Variants in KIF16B observed in about 807,000 individuals in gnomAD.
KIF16B encodes kinesin-like protein KIF16B.
In KIF16B, 98 loss-of-function variants were observed where a neutral mutation model predicts 156.3. The ratio of observed to expected loss-of-function variants is 0.63; its 90% CI spans 0.53 to 0.74. KIF16B has a LOEUF of 0.74. Ranked by LOEUF, KIF16B falls within the 30% of genes least tolerant of loss-of-function variation. KIF16B has a pLI of 0.00. For missense variants in KIF16B, 1,421 were observed against 1,606.5 expected (o/e 0.88, Z 1.97); for synonymous variants, 564 against 583.7 (o/e 0.97, Z 0.49).
At chr20:16,348,121 C>T (rs1038955899) in intron 23 of KIF16B, among the ~76,000 whole-genome samples, 4 of 152,186 alleles carry the variant, frequency 2.6e-5, no homozygotes, top group Admixed American at 2.6e-4. Flanking sequence ...GTACCCATGA[C>T]TTGGTCAGCA....
Position 16,404,882 on chromosome 20 carries a change from AAGG to A in KIF16B, c.1712_1714del (p.Ser571del). 1.2e-6 allele frequency: 2 copies of A among 1,613,398 alleles called. No individual in the cohort carries two copies. Among genetic ancestry groups the A allele is most frequent in the Non-Finnish European group, 1.7e-6 (2 of 1,179,594 alleles). ...CGAGAGGTCGGTCATGGACAAGCTG[AAGG>A]AGGACAGAAGGCCACTCTAAGGGCA... On this transcript the variant is annotated inframe_deletion, in exon 17 of 26. Coordinates refer to ENST00000354981, the MANE Select transcript of KIF16B (RefSeq NM_024704.5).
At chr20:16,335,363 G>A (rs758445562) in intron 24 of KIF16B, among the ~76,000 whole-genome samples, 12 of 152,142 alleles carry the variant, frequency 7.9e-5, no homozygotes, top group Non-Finnish European at 1.5e-4. Flanking sequence ...AGGAAAAGAC[G>A]ACTAATGTAT....
intron 25 of KIF16B, among the ~76,000 whole-genome samples, chr20:16,301,110 C>T (rs1450222623): frequency 6.6e-6 from 1 of 152,280 alleles, no homozygotes; most frequent in East Asian, 1.9e-4. Context: ...AAATTGTCTT[C>T]TTCTACTTAG....
At chr20:16,345,387 C>T (rs975480653) in intron 23 of KIF16B, among the ~76,000 whole-genome samples, 2 of 152,198 alleles carry the variant, frequency 1.3e-5, no homozygotes, top group Non-Finnish European at 2.9e-5. Context: ...AGCCTCTTTT[C>T]AATATACACT....
chr20:16,530,029 C>T (rs779398369), intron 1 of KIF16B, among the ~76,000 whole-genome samples: 1 of 152,150 alleles, frequency 6.6e-6, no homozygotes, highest in Non-Finnish European at 1.5e-5. Context: ...ATTTAAAAAA[C>T]AAACAACTCC....
intron 25 of KIF16B, 133 bp downstream of exon 25, chr20:16,312,202 C>A: frequency 1.6e-6 from 1 of 609,932 alleles, no homozygotes; most frequent in South Asian, 2.1e-5. Context: ...TCTACTGCTG[C>A]CATCTCCTGT....
intron 12 of KIF16B, among the ~76,000 whole-genome samples, chr20:16,486,035 A>G (rs1002053221): frequency 2.6e-5 from 4 of 152,318 alleles, no homozygotes; most frequent in African/African-American, 9.6e-5. Context: ...CTGGGAGCAG[A>G]ACTCTGATAT....
intron 1 of KIF16B, among the ~76,000 whole-genome samples, chr20:16,571,718 C>G (rs2122234295): frequency 6.6e-6 from 1 of 152,026 alleles, no homozygotes; most frequent in East Asian, 1.9e-4. Flanking sequence ...CCAGCTCTGC[C>G]TCCTGGGTTC....
chr20:16,451,885 A>G (rs2067091416), intron 12 of KIF16B, among the ~76,000 whole-genome samples: 1 of 152,186 alleles, frequency 6.6e-6, no homozygotes, highest in Non-Finnish European at 1.5e-5. Context: ...CAGACTCTAG[A>G]AAAGGTATGG....
rs201104430 is a variant in KIF16B at position 16,431,861 on chromosome 20, G to GTATA, written c.1303-1883_1303-1880dup. 7.7e-5 allele frequency among the ~76,000 whole-genome samples: 11 copies of GTATA among 142,590 alleles called. No homozygotes were observed. In the South Asian group the frequency reaches 8.9e-4, roughly 12 times the overall value. The allele number at this position is 142,590 out of a possible 152,430, so 93.5% of individuals were successfully genotyped here. ...TCTCCTTGGGAATGGCTATTAGTGT[G>GTATA]TATATATATATATACATATATATAT... On this transcript the variant is annotated intron_variant, in intron 12 of 25. Transcript: ENST00000354981.
At chr20:16,518,285 C>T (rs915346647) in intron 3 of KIF16B, among the ~76,000 whole-genome samples, 1 of 152,184 alleles carries the variant, frequency 6.6e-6, no homozygotes, top group African/African-American at 2.4e-5. Context: ...AGAGGATGCA[C>T]CGAGCATCGC....
chr20:16,280,734 G>A (rs1273663439), intron 25 of KIF16B, among the ~76,000 whole-genome samples: 1 of 152,190 alleles, frequency 6.6e-6, no homozygotes, highest in Non-Finnish European at 1.5e-5. Context: ...GAAGGTTCAA[G>A]CCCGTAAGCC....
At chr20:16,298,776 T>C (rs543572537) in intron 25 of KIF16B, among the ~76,000 whole-genome samples, 1 of 152,332 alleles carries the variant, frequency 6.6e-6, no homozygotes, top group Admixed American at 6.5e-5. Context: ...ATCAAGCCTC[T>C]GGTTTTCAGA....
At chr20:16,389,635 G>C (rs987206208) in intron 17 of KIF16B, among the ~76,000 whole-genome samples, 3 of 152,316 alleles carry the variant, frequency 2.0e-5, no homozygotes, top group South Asian at 2.1e-4. Flanking sequence ...TGGAGACTAG[G>C]GGATCTTAAA....
chr20:16,352,230 T>G (rs1398141823), intron 23 of KIF16B, among the ~76,000 whole-genome samples: 8 of 152,234 alleles, frequency 5.3e-5, no homozygotes, highest in African/African-American at 1.9e-4. Flanking sequence ...CTCATCCAAC[T>G]ACACTTAAAA....
intron 1 of KIF16B, among the ~76,000 whole-genome samples, chr20:16,561,752 G>A (rs2071071926): frequency 6.6e-6 from 1 of 152,026 alleles, no homozygotes; most frequent in Non-Finnish European, 1.5e-5. Flanking sequence ...TCACTTTTGT[G>A]GTATTATTGT....
rs930974753 is a variant in KIF16B at position 16,375,579 on chromosome 20, A to G, written c.3198-1170T>C. Among the ~76,000 whole-genome samples, 3 of 151,798 alleles carry G rather than the reference A, an allele frequency of 2.0e-5. No homozygotes were observed. In the South Asian group the frequency reaches 6.3e-4, roughly 32 times the overall value. The stretch of plus-strand genomic sequence containing the variant: ...TAGAGCATCAATTTGTGGAACACAC[A>G]GTATTTTCAAAAGACAAGACATAAG... On this transcript the variant is annotated intron_variant, in intron 19 of 25. Coordinates refer to ENST00000354981, the MANE Select transcript of KIF16B (RefSeq NM_024704.5).
intron 15 of KIF16B, among the ~76,000 whole-genome samples, chr20:16,408,022 C>T (rs560944996): frequency 9.2e-5 from 14 of 152,232 alleles, no homozygotes; most frequent in Admixed American, 7.9e-4. Flanking sequence ...AGTCACTAGC[C>T]TCTTGCTTGG....
In KIF16B at chr20:16,406,453, G is replaced by A. The variant is rs752199324; in HGVS notation, c.1616C>T (p.Ala539Val). Residue 539 changes from alanine to valine, a missense_variant, in exon 16 of 26, where the codon GCT becomes GTT. Physicochemically the swap from Ala to Val is moderately conservative, Grantham distance 64. Coordinates refer to ENST00000354981, the MANE Select transcript of KIF16B (RefSeq NM_024704.5). ...IVEATHLNQG[A>V]VILLGRTNMF... ...ATTGGTTCTTCCCAAGAGAATCACA[G>A]CACCTGAAAACACACAAAAACAGTA... is the stretch of plus-strand genomic sequence containing the variant. 25 of 1,613,288 alleles carry A rather than the reference G, an allele frequency of 1.5e-5. 1 individual carries two copies. The highest frequency in any genetic ancestry group is 1.2e-4 in the South Asian group (11 of 91,044).
Sources: gnomAD v4.1 joint callset for allele counts (sites outside exome capture counted in the v4.1 genomes callset) on GRCh38, gnomAD v4.1.1 for gene constraint, MANE v1.5 for transcripts, NCBI Gene and HGNC (gene_info 2026-07-23, HGNC 2026-07-21) for gene names.